The following ST3GAL2 variants were observed in gnomAD, a reference collection of about 807,000 sequenced individuals.
ST3GAL2 encodes CMP-N-acetylneuraminate-beta-galactosamide-alpha-2,3-sialyltransferase 2.
A neutral mutation model predicts 37.5 loss-of-function variants in ST3GAL2; 16 were observed. The observed-to-expected ratio is 0.43, with a 90% CI of 0.29 to 0.65. ST3GAL2 has a LOEUF of 0.65. Among genes scored for constraint, ST3GAL2 ranks in the 30% least tolerant of loss-of-function variants. The pLI is 0.17. For synonymous variants in ST3GAL2, 238 were observed against 202.9 expected (o/e 1.17, Z -1.47); for missense variants, 383 against 487.8 (o/e 0.79, Z 2.02).
chr16:70,408,817 TGTCA>T (rs2047612136), intron 1 of ST3GAL2, among the ~76,000 whole-genome samples: 1 of 131,504 alleles, frequency 7.6e-6, no homozygotes, highest in African/African-American at 2.8e-5. Context: ...AGAAATAAAC[TGTCA>T]GTCTTCTCTG....
At chr16:70,391,169 T>A (rs2047479771) in intron 3 of ST3GAL2, among the ~76,000 whole-genome samples, 1 of 152,176 alleles carries the variant, frequency 6.6e-6, no homozygotes, top group Non-Finnish European at 1.5e-5. Flanking sequence ...GGAAGGACCA[T>A]GGGCTGTGCT....
chr16:70,397,861 C>T (rs901416402), intron 2 of ST3GAL2, among the ~76,000 whole-genome samples: 4 of 152,152 alleles, frequency 2.6e-5, no homozygotes, highest in Non-Finnish European at 4.4e-5. Flanking sequence ...TGTGCAGCAA[C>T]AACTGCTGGG....
chr16:70,414,073 C>A (rs1187903945), intron 1 of ST3GAL2, among the ~76,000 whole-genome samples: 4 of 152,140 alleles, frequency 2.6e-5, no homozygotes, highest in Admixed American at 2.6e-4. Context: ...AGAATTTTAT[C>A]TTTTTATGTA....
At chr16:70,428,070 C>A (rs1435858975) in intron 1 of ST3GAL2, among the ~76,000 whole-genome samples, 1 of 152,236 alleles carries the variant, frequency 6.6e-6, no homozygotes, top group Non-Finnish European at 1.5e-5. Context: ...TGCAGGATAA[C>A]CCTGACACCA....
In ST3GAL2 at chr16:70,381,875, G is replaced by A. The variant is rs2047408301; in HGVS notation, c.880-13C>T. On this transcript the variant is annotated splice_polypyrimidine_tract_variant and intron_variant, in intron 6 of 6. Transcript: ENST00000342907. ...CGTACACGTTCACCTGCGGGGAAGC[G>A]CAGCGGAGCGTCACCCCAGGCGGGG... The A allele has an allele frequency of 1.2e-6, 2 of 1,612,184 alleles. No homozygotes were observed. The highest frequency in any genetic ancestry group is 4.5e-5 in the East Asian group (2 of 44,830).
intron 1 of ST3GAL2, among the ~76,000 whole-genome samples, chr16:70,408,025 G>C (rs1471119377): frequency 6.6e-6 from 1 of 152,048 alleles, no homozygotes; most frequent in Admixed American, 6.6e-5. Context: ...CTTACACACA[G>C]CCTGAGGACG....
At position 70,379,822 on chromosome 16, in the gene ST3GAL2, A is replaced by C. The variant is rs1444718249; in HGVS notation, c.*1867T>G. On this transcript the variant is annotated 3_prime_UTR_variant, in exon 7 of 7. Transcript: ENST00000342907. ...TTTTTTTTTTTTTTTGGTAGAGACG[A>C]GGTTTCACCATATTGGCCAGGCTGG... 1 of 149,322 alleles carries C rather than the reference A, an allele frequency of 6.7e-6. No homozygotes were observed. The highest frequency in any genetic ancestry group is 1.5e-5 in the Non-Finnish European group (1 of 67,562). The allele number at this position is 149,322 out of a possible 1,614,324, so 9.2% of individuals were successfully genotyped here. A position where few individuals can be genotyped will look rare whatever the true frequency, so the allele number is the denominator to read the frequency against.
chr16:70,404,979 G>A (rs2047579542), intron 1 of ST3GAL2, among the ~76,000 whole-genome samples: 2 of 150,328 alleles, frequency 1.3e-5, no homozygotes, highest in South Asian at 4.2e-4. Context: ...GTTGCAGTGA[G>A]CCGAGATCGC....
intron 1 of ST3GAL2, among the ~76,000 whole-genome samples, chr16:70,406,032 G>T (rs913280936): frequency 6.6e-6 from 1 of 151,538 alleles, no homozygotes; most frequent in Non-Finnish European, 1.5e-5. Flanking sequence ...CTGCACTCCG[G>T]CCTGGGCAAC....
At position 70,380,351 on chromosome 16, in the gene ST3GAL2, G is replaced by C. The variant is rs1296352480; in HGVS notation, c.*1338C>G. On this transcript the variant is annotated 3_prime_UTR_variant, in exon 7 of 7. Coordinates refer to ENST00000342907, the MANE Select transcript of ST3GAL2 (RefSeq NM_006927.4). ...TGCCTGGTGGTGTCAACTAAGAAAAGGGGGAGCATCTGCGCCGTCACTGTT... is the reference window on the plus strand; with the variant it reads ...TGCCTGGTGGTGTCAACTAAGAAAACGGGGAGCATCTGCGCCGTCACTGTT... The C allele has an allele frequency of 6.6e-6, 1 of 152,332 alleles. No homozygotes were observed. Among genetic ancestry groups the C allele is most frequent in the Non-Finnish European group, 1.5e-5 (1 of 68,152 alleles). 9.4% of individuals were successfully genotyped at this position (152,332 alleles called of 1,614,324 possible).
At chr16:70,382,374 C>T (rs1013336263) in intron 6 of ST3GAL2, among the ~76,000 whole-genome samples, 1 of 152,156 alleles carries the variant, frequency 6.6e-6, no homozygotes, top group Admixed American at 6.6e-5. Context: ...CCTACGCCTC[C>T]TGGGTTCAAG....
At chr16:70,428,705 G>A (rs1372316307) in intron 1 of ST3GAL2, among the ~76,000 whole-genome samples, 2 of 152,190 alleles carry the variant, frequency 1.3e-5, no homozygotes, top group Non-Finnish European at 2.9e-5. Context: ...TTGTATCTTG[G>A]TATGTGTGGC....
rs767027339 is a variant in ST3GAL2 at position 70,395,157 on chromosome 16, T to C, written c.358A>G (p.Lys120Glu). ...RWWMMLQPQF[K>E]SHNTNEVLEK... Reference sequence around the variant, plus strand: ...AGCACCTCATTGGTGTTGTGTGACTTGAACTGGGGCTGCAGCATCTGTGGA... The same window carrying C: ...AGCACCTCATTGGTGTTGTGTGACTCGAACTGGGGCTGCAGCATCTGTGGA... Residue 120 changes from lysine to glutamate, a missense_variant, in exon 3 of 7, where the codon AAG (lysine) becomes GAG (glutamate). This residue lies in a region of ST3GAL2 where 223 missense variants were observed against 239.1 expected (regional missense o/e 0.93). Coordinates refer to ENST00000342907, the MANE Select transcript of ST3GAL2 (RefSeq NM_006927.4). 31 of 1,604,782 alleles carry C rather than the reference T, an allele frequency of 1.9e-5. No homozygotes were observed. The highest frequency in any genetic ancestry group is 1.7e-4 in the Admixed American group (10 of 58,542).
At chr16:70,422,959 C>G (rs1337922123) in intron 1 of ST3GAL2, 1 of 152,218 alleles carries the variant, frequency 6.6e-6, no homozygotes, top group Non-Finnish European at 1.5e-5. Context: ...ACTGGCACCA[C>G]TGTCCTGGGC....
intron 1 of ST3GAL2, among the ~76,000 whole-genome samples, chr16:70,415,416 T>C (rs1005551486): frequency 6.6e-6 from 1 of 152,224 alleles, no homozygotes; most frequent in Non-Finnish European, 1.5e-5. Context: ...CGGATAAACC[T>C]AAGAGGGATA....
intron 1 of ST3GAL2, among the ~76,000 whole-genome samples, chr16:70,423,621 T>C (rs2047730626): frequency 6.6e-6 from 1 of 152,046 alleles, no homozygotes; most frequent in African/African-American, 2.4e-5. Flanking sequence ...TTGGGGATCT[T>C]GGGCAAATTT....
At chr16:70,391,657 G>C (rs2047482920) in intron 3 of ST3GAL2, among the ~76,000 whole-genome samples, 1 of 152,230 alleles carries the variant, frequency 6.6e-6, no homozygotes. Flanking sequence ...AGCCAGAAGT[G>C]TGTCTCAGCT....
intron 1 of ST3GAL2, among the ~76,000 whole-genome samples, chr16:70,429,686 G>A (rs2151680248): frequency 7.1e-6 from 1 of 140,002 alleles, no homozygotes; most frequent in East Asian, 2.2e-4. Flanking sequence ...TTATTGCCCA[G>A]GCTGGAGTGA....
chr16:70,386,021 TTTTTG>T (rs911299777), intron 4 of ST3GAL2, among the ~76,000 whole-genome samples: 13 of 151,982 alleles, frequency 8.6e-5, no homozygotes, highest in South Asian at 2.1e-4. Flanking sequence ...ATGAAAATTT[TTTTTG>T]TTTTGTTTTG....
Sources: gnomAD v4.1 joint callset for allele counts (sites outside exome capture counted in the v4.1 genomes callset) on GRCh38, gnomAD v4.1.1 for gene constraint, gnomAD v4.1.1 regional missense constraint, MANE v1.5 for transcripts, NCBI Gene and HGNC (gene_info 2026-07-23, HGNC 2026-07-21) for gene names.